Variants in WDPCP observed in about 807,000 individuals in gnomAD.
WDPCP encodes the protein WD repeat-containing and planar cell polarity effector protein fritz homolog.
In WDPCP, 71 loss-of-function variants were observed where a neutral mutation model predicts 93.1. That is an observed-to-expected ratio of 0.76 (90% CI 0.63 to 0.93). The LOEUF (loss-of-function observed/expected upper bound fraction) is 0.93, where lower values mean the gene tolerates loss of function less well. Among genes scored for constraint, WDPCP ranks in the 40% least tolerant of loss-of-function variants. The pLI, the probability that WDPCP is intolerant of heterozygous loss-of-function variation, is 0.00. For synonymous variants in WDPCP, 315 were observed against 315.0 expected, an observed-to-expected ratio of 1.00 and a Z score of 0.00; for missense variants, 844 against 887.4, an observed-to-expected ratio of 0.95 and a Z score of 0.62.
At chr2:63,279,038 G>A (rs1040330220) in intron 13 of WDPCP, among the ~76,000 whole-genome samples, 7 of 152,270 alleles carry the variant, frequency 4.6e-5, no homozygotes, top group African/African-American at 1.4e-4. Context: ...TGGATTCACA[G>A]CTGAATTCTA....
At chr2:63,363,291 G>A (rs571846806) in intron 12 of WDPCP, among the ~76,000 whole-genome samples, 5 of 152,110 alleles carry the variant, frequency 3.3e-5, no homozygotes, top group South Asian at 2.1e-4. Context: ...TATGTTATAC[G>A]TCCTATTGTT....
At chr2:63,719,650 G>A (rs1575756940) in intron 2 of WDPCP, among the ~76,000 whole-genome samples, 1 of 152,036 alleles carries the variant, frequency 6.6e-6, no homozygotes, top group Non-Finnish European at 1.5e-5. Context: ...TGGAGAGAGT[G>A]AGAGACAACT....
upstream of WDPCP, among the ~76,000 whole-genome samples, chr2:63,832,221 C>T (rs184305646): frequency 2.6e-5 from 4 of 152,282 alleles, no homozygotes; most frequent in Admixed American, 2.0e-4. Context: ...TCTAGTGGGG[C>T]CTCAACTGGA....
chr2:63,384,303 T>C (rs1692556026), intron 10 of WDPCP, among the ~76,000 whole-genome samples: 1 of 152,072 alleles, frequency 6.6e-6, no homozygotes, highest in African/African-American at 2.4e-5. Flanking sequence ...CAATTACCAA[T>C]ATAAGAATGA....
intron 1 of WDPCP, among the ~76,000 whole-genome samples, chr2:63,559,979 A>G (rs1039064268): frequency 2.0e-5 from 3 of 151,844 alleles, no homozygotes; most frequent in African/African-American, 4.9e-5. Context: ...ACCTGTAATC[A>G]CAGCACTTTG....
chr2:63,508,920 CAG>C (rs1702052153), intron 1 of WDPCP, among the ~76,000 whole-genome samples: 1 of 152,154 alleles, frequency 6.6e-6, no homozygotes, highest in Admixed American at 6.5e-5. Flanking sequence ...CAGGAGCACT[CAG>C]ATTTATAAAG....
At chr2:63,357,642 T>G (rs1214138047) in intron 12 of WDPCP, among the ~76,000 whole-genome samples, 5 of 152,132 alleles carry the variant, frequency 3.3e-5, no homozygotes, top group African/African-American at 9.7e-5. Flanking sequence ...AAGAGAATGC[T>G]TATACACTGG....
chr2:63,551,839 T>A (rs1177752221), intron 1 of WDPCP, among the ~76,000 whole-genome samples: 2 of 151,998 alleles, frequency 1.3e-5, no homozygotes, highest in Non-Finnish European at 2.9e-5. Context: ...GTGATTTTTT[T>A]ATAATGTGCC....
intron 12 of WDPCP, among the ~76,000 whole-genome samples, chr2:63,365,728 C>A (rs1198610096): frequency 3.9e-5 from 6 of 152,154 alleles, no homozygotes; most frequent in African/African-American, 1.4e-4. Context: ...CAATGTGGAG[C>A]AGCATCCTCA....
At chr2:63,666,250 A>G (rs1338126969) in intron 2 of WDPCP, among the ~76,000 whole-genome samples, 2 of 152,204 alleles carry the variant, frequency 1.3e-5, no homozygotes, top group African/African-American at 4.8e-5. Flanking sequence ...CTCTGCCTGG[A>G]GATACTCTTC....
At chr2:63,419,759 A>G (rs1260336354) in intron 9 of WDPCP, among the ~76,000 whole-genome samples, 1 of 152,192 alleles carries the variant, frequency 6.6e-6, no homozygotes, top group Non-Finnish European at 1.5e-5. Context: ...ATCTATTATA[A>G]TCCTTTTAAG....
At chr2:63,766,384 C>T (rs909108048) in intron 2 of WDPCP, among the ~76,000 whole-genome samples, 8 of 150,780 alleles carry the variant, frequency 5.3e-5, no homozygotes, top group Non-Finnish European at 8.8e-5. Flanking sequence ...GGCTGGAGTG[C>T]AGTGGCATGA....
chr2:63,475,238 G>A (rs1314410456), intron 6 of WDPCP, among the ~76,000 whole-genome samples: 1 of 151,992 alleles, frequency 6.6e-6, no homozygotes, highest in Non-Finnish European at 1.5e-5. Flanking sequence ...TACCTTTCTA[G>A]CCCTTAATTT....
intron 14 of WDPCP, among the ~76,000 whole-genome samples, chr2:63,185,978 T>TCAC (rs1312309906): frequency 1.3e-5 from 2 of 152,070 alleles, no homozygotes; most frequent in Admixed American, 1.3e-4. Context: ...TAGGGAGCAG[T>TCAC]CACCAAATGC....
intron 1 of WDPCP, among the ~76,000 whole-genome samples, chr2:63,555,460 C>G (rs541282977): frequency 2.0e-4 from 30 of 152,344 alleles, no homozygotes; most frequent in South Asian, 1.5e-3. Context: ...GGATTCCCCC[C>G]AGTGCAGCAC....
intron 14 of WDPCP, among the ~76,000 whole-genome samples, chr2:63,213,362 C>T (rs1677006969): frequency 6.6e-6 from 1 of 152,184 alleles, no homozygotes; most frequent in Admixed American, 6.5e-5. Context: ...ACAACCTTCT[C>T]CTGAATGACT....
chr2:63,555,606 G>A (rs374485795), intron 1 of WDPCP, among the ~76,000 whole-genome samples: 13 of 152,240 alleles, frequency 8.5e-5, no homozygotes, highest in East Asian at 3.9e-4. Context: ...GGATCAGGTC[G>A]GTGCCCCTCT....
intron 1 of WDPCP, among the ~76,000 whole-genome samples, chr2:63,531,410 G>A (rs1440119862): frequency 6.6e-6 from 1 of 152,170 alleles, no homozygotes; most frequent in East Asian, 1.9e-4. Context: ...CCTGACCCCT[G>A]AGTAGCCTAA....
At chr2:63,787,755 C>T (rs933899720) in intron 2 of WDPCP, among the ~76,000 whole-genome samples, 1 of 152,024 alleles carries the variant, frequency 6.6e-6, no homozygotes, top group Non-Finnish European at 1.5e-5. Context: ...AAAATTGAGT[C>T]CAGACCAGGC....
Sources: allele counts gnomAD v4.1 joint callset (sites outside exome capture counted in the v4.1 genomes callset), GRCh38; gene constraint gnomAD v4.1.1; transcripts MANE v1.5; gene names NCBI Gene and HGNC (gene_info 2026-07-23, HGNC 2026-07-21).